The following SLC6A13 variants were observed in gnomAD, a reference collection of about 807,000 sequenced individuals.
SLC6A13 encodes sodium- and chloride-dependent GABA transporter 2.
In SLC6A13, 69 loss-of-function variants were observed where a neutral mutation model predicts 72.9. The ratio of observed to expected loss-of-function variants is 0.95; its 90% confidence interval spans 0.78 to 1.16. The LOEUF (loss-of-function observed/expected upper bound fraction) is 1.16. Among genes scored for constraint, SLC6A13 ranks in the 50% most tolerant of loss-of-function variants. The pLI, the probability that SLC6A13 is intolerant of heterozygous loss-of-function variation, is 0.00. For missense variants in SLC6A13, 735 were observed against 760.5 expected (o/e 0.97, Z 0.39); for synonymous variants, 303 against 303.0 (o/e 1.00, Z 0.00).
intron 9 of SLC6A13, 61 bp from the exon 10 acceptor site, chr12:224,574 C>A: frequency 7.5e-7 from 1 of 1,332,886 alleles, no homozygotes; most frequent in Non-Finnish European, 1.1e-6. Flanking sequence ...CTGTGGGTGA[C>A]CCATGGCTTC....
chr12:224,361 CCA>C, intron 10 of SLC6A13, 38 bp downstream of exon 10: 6 of 1,538,816 alleles, frequency 3.9e-6, no homozygotes, highest in Non-Finnish European at 5.4e-6. Context: ...ACACACCCCC[CCA>C]CTCATCTCTC....
At chr12:255,470 C>T (rs1052740817) in intron 2 of SLC6A13, among the ~76,000 whole-genome samples, 2 of 152,212 alleles carry the variant, frequency 1.3e-5, no homozygotes, top group Non-Finnish European at 2.9e-5. Flanking sequence ...CCAAGGTGGG[C>T]AGATCACCTG....
chr12:225,606 T>A (rs901277080), intron 9 of SLC6A13, among the ~76,000 whole-genome samples: 1 of 151,030 alleles, frequency 6.6e-6, no homozygotes, highest in African/African-American at 2.4e-5. Flanking sequence ...GCCGAGATCA[T>A]GTCACTGCAC....
intron 7 of SLC6A13, 84 bp downstream of exon 7, chr12:235,006 G>A: frequency 6.5e-7 from 1 of 1,529,526 alleles, no homozygotes; most frequent in Non-Finnish European, 9.0e-7. Context: ...GCTAGGTGCG[G>A]GGGTTCCCCG....
intron 2 of SLC6A13, chr12:258,872 A>T: frequency 1.0e-6 from 1 of 966,716 alleles, no homozygotes; most frequent in Non-Finnish European, 1.2e-6. Context: ...TTAAAAAGAG[A>T]GCCTATACTA....
rs1160835316 is a variant in SLC6A13, at chr12:259,980, CCTT to C, written c.70_72del (p.Lys24del). ...CCCCGCTCCAGGGTGCCATCTTCCT[CCTT>C]CTTTTCCATGACTGGATACACTGGT... On this transcript the variant is annotated inframe_deletion, in exon 2 of 15. Coordinates refer to ENST00000343164, the MANE Select transcript of SLC6A13 (RefSeq NM_016615.5). 8.7e-6 allele frequency: 14 copies of C among 1,614,104 alleles called. No homozygotes were observed. In the African/African-American group the frequency reaches 1.2e-4, roughly 14 times the overall value.
chr12:224,291 T>C (rs926684845), intron 10 of SLC6A13, 110 bp downstream of exon 10: 5 of 1,331,368 alleles, frequency 3.8e-6, no homozygotes, highest in Non-Finnish European at 5.3e-6. Flanking sequence ...ACCCTCAAGC[T>C]CCTGTGTCCC....
chr12:221,595 GCCCTCAGCTCCCCCGCTCC>G (rs1331811327), intron 13 of SLC6A13, 49 bp from the exon 14 acceptor site: 1 of 1,272,456 alleles, frequency 7.9e-7, no homozygotes, highest in East Asian at 2.4e-5. Flanking sequence ...GGGGCCTTGT[GCCCTCAGCTCCCCCGCTCC>G]CCAGCAGCCT....
At chr12:238,752 T>C (rs1003585898) in intron 4 of SLC6A13, among the ~76,000 whole-genome samples, 1 of 152,164 alleles carries the variant, frequency 6.6e-6, no homozygotes, top group Non-Finnish European at 1.5e-5. Flanking sequence ...AATGACCAAG[T>C]GTAGGCTGGA....
intron 2 of SLC6A13, 114 bp from the exon 3 acceptor site, chr12:243,927 A>T (rs1007534023): frequency 1.0e-6 from 1 of 961,438 alleles, no homozygotes; most frequent in African/African-American, 1.6e-5. Flanking sequence ...GGCAGAGAAC[A>T]TGCAAAACTG....
Position 224,425 on chromosome 12 carries a change from G to A in SLC6A13, c.1149C>T (p.Val383=), listed in dbSNP as rs145951312. ...CCTGGCTATCCAGTCCCAGGAGAAC[G>A]ACCATGAAGAAGAAACAGCAGGCCC... is the stretch of plus-strand genomic sequence containing the variant. The part of the protein sequence containing the change: ...PLWACCFFFM[V]VLLGLDSQFV... Residue 383 remains valine, a synonymous_variant, in exon 10 of 15, where the codon GTC becomes GTT. Transcript: ENST00000343164. The A allele has an allele frequency of 2.0e-4, 327 of 1,614,032 alleles. 1 individual carries two copies. Among genetic ancestry groups the A allele is most frequent in the Middle Eastern group, 4.9e-4 (3 of 6,062 alleles).
chr12:260,180 T>C (rs1217618442), intron 1 of SLC6A13, 123 bp from the exon 2 acceptor site: 2 of 1,029,468 alleles, frequency 1.9e-6, no homozygotes, highest in Non-Finnish European at 2.8e-6. Context: ...TCTATTCCCT[T>C]CCCTGTAGAC....
chr12:251,809 T>A (rs1422064727), intron 2 of SLC6A13, among the ~76,000 whole-genome samples: 2 of 151,914 alleles, frequency 1.3e-5, no homozygotes, highest in Non-Finnish European at 2.9e-5. Flanking sequence ...AAAAAGTTTT[T>A]AATTTTCCGG....
intron 2 of SLC6A13, among the ~76,000 whole-genome samples, chr12:245,941 C>T (rs1446863858): frequency 3.3e-5 from 5 of 151,778 alleles, no homozygotes; most frequent in African/African-American, 1.2e-4. Flanking sequence ...CACAGTGAAA[C>T]CCCATCTCTA....
chr12:237,366 A>G, intron 5 of SLC6A13, 76 bp from the exon 6 acceptor site: 1 of 1,525,640 alleles, frequency 6.6e-7, no homozygotes. Context: ...GGGACAGTGG[A>G]GCTGAGCCTG....
intron 11 of SLC6A13, among the ~76,000 whole-genome samples, chr12:223,517 C>T (rs1457747279): frequency 6.6e-6 from 1 of 152,108 alleles, no homozygotes; most frequent in Admixed American, 6.5e-5. Context: ...AAGCCCAAGA[C>T]ATAGAGTGTA....
At chr12:247,174 G>T (rs1342889017) in intron 2 of SLC6A13, among the ~76,000 whole-genome samples, 2 of 151,182 alleles carry the variant, frequency 1.3e-5, no homozygotes, top group Non-Finnish European at 2.9e-5. Context: ...AATAATAGCT[G>T]AAAATTTTAC....
In SLC6A13 at chr12:226,598, G is replaced by A. The variant is rs996556975; in HGVS notation, c.936-84C>T. On this transcript the variant is annotated intron_variant, in intron 8 of 14. Coordinates refer to ENST00000343164, the MANE Select transcript of SLC6A13 (RefSeq NM_016615.5). ...CTCCTGCTTCCTGTCTGGGAGCACA[G>A]CCCCTCCTGGCGGACACTGTCCTGG... is the stretch of plus-strand genomic sequence containing the variant. 2.4e-5 allele frequency: 35 copies of A among 1,478,254 alleles called. No individual in the cohort carries two copies. The Admixed American group carries it at 7.0e-4, about 30-fold the overall frequency. 91.6% of individuals were successfully genotyped at this position (1,478,254 alleles called of 1,614,324 possible). A position where few individuals can be genotyped will look rare whatever the true frequency, so the allele number is the denominator to read the frequency against.
At chr12:230,416 A>C (rs1303647029) in intron 7 of SLC6A13, among the ~76,000 whole-genome samples, 1 of 152,194 alleles carries the variant, frequency 6.6e-6, no homozygotes, top group African/African-American at 2.4e-5. Context: ...AGTTACATTA[A>C]TCTGGGCTCA....
Sources: gnomAD v4.1 joint callset for allele counts (sites outside exome capture counted in the v4.1 genomes callset) on GRCh38, gnomAD v4.1.1 for gene constraint, MANE v1.5 for transcripts, NCBI Gene and HGNC (gene_info 2026-07-23, HGNC 2026-07-21) for gene names.